Variants in KIRREL3 observed in about 807,000 individuals in gnomAD.
KIRREL3 encodes the protein kin of IRRE-like protein 3.
In KIRREL3, 36 loss-of-function variants were observed where a neutral mutation model predicts 89.7. That is an observed-to-expected ratio of 0.40 (90% CI 0.31 to 0.53). KIRREL3 has a LOEUF of 0.53. Among genes scored for constraint, KIRREL3 ranks in the 20% least tolerant of loss-of-function variants. The pLI, the probability that KIRREL3 is intolerant of heterozygous loss-of-function variation, is 0.49. For missense variants in KIRREL3, 864 were observed against 1,056.6 expected (o/e 0.82, Z 2.53); for synonymous variants, 445 against 441.4 (o/e 1.01, Z -0.10).
rs531842626 is a variant in KIRREL3 at position 126,498,800 on chromosome 11, C to T, written c.433+22515G>A. Among the ~76,000 whole-genome samples the T allele has an allele frequency of 2.0e-5, 3 of 152,316 alleles. No individual in the cohort carries two copies. The highest frequency in any genetic ancestry group is 1.9e-4 in the East Asian group (1 of 5,174). On this transcript the variant is annotated intron_variant, in intron 4 of 16. Transcript: ENST00000525144. This position sits in a 1 kb window ranked among gnomAD's most constrained non-coding sequence, Gnocchi z 4.3. ...AGTCCCCCTCCCACAGGAGCACCTGCGTGGGCCCTCAGTAAATGCCAGTTC... is the reference window on the plus strand; with the variant it reads ...AGTCCCCCTCCCACAGGAGCACCTGTGTGGGCCCTCAGTAAATGCCAGTTC...
chr11:126,842,995 T>C (rs759880357), intron 1 of KIRREL3, among the ~76,000 whole-genome samples: 14 of 152,136 alleles, frequency 9.2e-5, no homozygotes, highest in Non-Finnish European at 1.8e-4. Context: ...CTTGGTGCTG[T>C]GAGGAACTTG....
Position 126,959,532 on chromosome 11 carries a change from C to T in KIRREL3, c.55+40923G>A, listed in dbSNP as rs958099978. On this transcript the variant is annotated intron_variant, in intron 1 of 16. Coordinates refer to ENST00000525144, the MANE Select transcript of KIRREL3 (RefSeq NM_032531.4). ...TAATCCCACTTTCTTCAATGGCTCC[C>T]AAGACCACACTTATGTTGGAAAATT... is the stretch of plus-strand genomic sequence containing the variant. 3.3e-5 allele frequency among the ~76,000 whole-genome samples: 5 copies of T among 152,332 alleles called. No individual in the cohort carries two copies. In the East Asian group the frequency reaches 9.6e-4, roughly 29 times the overall value.
intron 10 of KIRREL3, among the ~76,000 whole-genome samples, chr11:126,444,013 G>A (rs1191916911): frequency 6.6e-6 from 1 of 152,198 alleles, no homozygotes; most frequent in Non-Finnish European, 1.5e-5. Context: ...AGGGACGTCC[G>A]CATTTGCGTC....
rs190407394 is a variant in KIRREL3, at chr11:126,990,428, C to A, written c.55+10027G>T. ...CCACCCAGAGGCGAGGAGGAGAGCC[C>A]CCCATCCCTCCCGTCCCTTCCCAGC... On this transcript the variant is annotated intron_variant, in intron 1 of 16. Transcript: ENST00000525144. The surrounding 1 kb of genome is among the most constrained non-coding windows in gnomAD (Gnocchi z 6.3). Among the ~76,000 whole-genome samples the A allele has an allele frequency of 6.6e-3, 1,009 of 152,180 alleles. 7 individuals are homozygous for A. The highest frequency in any genetic ancestry group is 0.023 in the African/African-American group (973 of 41,492).
intron 4 of KIRREL3, among the ~76,000 whole-genome samples, chr11:126,514,509 TC>T (rs1328733070): frequency 6.6e-6 from 1 of 152,176 alleles, no homozygotes; most frequent in Non-Finnish European, 1.5e-5. Context: ...TGTTGGTGTC[TC>T]ATAACATTGT....
In KIRREL3 at chr11:126,575,540, C is replaced by G. The variant is rs1941211372; in HGVS notation, c.56-12628G>C. Among the ~76,000 whole-genome samples, 2 of 152,118 alleles carry G rather than the reference C, an allele frequency of 1.3e-5. No homozygotes were observed. Among genetic ancestry groups the G allele is most frequent in the Non-Finnish European group, 2.9e-5 (2 of 68,018 alleles). ...ACATTGTAAGCCCCTATAAATGGTA[C>G]TTACTTATAAATATAATATATTATT... is the stretch of plus-strand genomic sequence containing the variant. On this transcript the variant is annotated intron_variant, in intron 1 of 16. Transcript: ENST00000525144. The surrounding 1 kb of genome is among the most constrained non-coding windows in gnomAD (Gnocchi z 7.0).
chr11:126,540,557 A>G (rs1190744996), intron 2 of KIRREL3, among the ~76,000 whole-genome samples: 2 of 152,222 alleles, frequency 1.3e-5, no homozygotes, highest in Non-Finnish European at 2.9e-5. Flanking sequence ...CCTACTGATG[A>G]TCAGGCTCGC....
In KIRREL3 at chr11:126,870,378, G is replaced by T. The variant is rs1023911095; in HGVS notation, c.55+130077C>A. Among the ~76,000 whole-genome samples, 3 of 152,194 alleles carry T rather than the reference G, an allele frequency of 2.0e-5. No homozygotes were observed. Among genetic ancestry groups the T allele is most frequent in the Admixed American group, 1.3e-4 (2 of 15,286 alleles). ...ATTCCAATGCTGTGGCTGGCTGGAG[G>T]TCCCATCCAGTCAAGTGGCTCGCCA... On this transcript the variant is annotated intron_variant, in intron 1 of 16. Coordinates refer to ENST00000525144, the MANE Select transcript of KIRREL3 (RefSeq NM_032531.4). This position sits in a 1 kb window ranked among gnomAD's most constrained non-coding sequence, Gnocchi z 4.4.
At chr11:126,787,940 T>A (rs1306247316) in intron 1 of KIRREL3, among the ~76,000 whole-genome samples, 1 of 152,240 alleles carries the variant, frequency 6.6e-6, no homozygotes, top group Non-Finnish European at 1.5e-5. Flanking sequence ...TGCCAGGCAC[T>A]CTTCTATTGA....
intron 1 of KIRREL3, among the ~76,000 whole-genome samples, chr11:126,592,947 G>T (rs748761482): frequency 1.3e-5 from 2 of 152,094 alleles, no homozygotes; most frequent in African/African-American, 4.8e-5. Context: ...CTGTGAGGGG[G>T]CTAGGAGCTG....
At chr11:126,469,496 G>A (rs910577169) in intron 5 of KIRREL3, among the ~76,000 whole-genome samples, 26 of 152,198 alleles carry the variant, frequency 1.7e-4, no homozygotes, top group African/African-American at 6.0e-4. Context: ...GGGTTGGCTC[G>A]GACAGCCCCC....
intron 1 of KIRREL3, among the ~76,000 whole-genome samples, chr11:126,745,635 G>A (rs950827077): frequency 5.3e-5 from 8 of 152,220 alleles, no homozygotes; most frequent in African/African-American, 1.7e-4. Flanking sequence ...AACAGGAGAT[G>A]GGGAGATAAG....
At chr11:126,941,493 C>T (rs947721610) in intron 1 of KIRREL3, among the ~76,000 whole-genome samples, 1 of 152,200 alleles carries the variant, frequency 6.6e-6, no homozygotes, top group Non-Finnish European at 1.5e-5. Flanking sequence ...TTTAAAATCA[C>T]TCACCAGGTG....
At position 126,519,074 on chromosome 11, in the gene KIRREL3, C is replaced by A. The variant is rs1591667792; in HGVS notation, c.433+2241G>T. ...CCCTGCTGGGGATCATGGAAACTTC[C>A]TCTGCCCTCCTTCCGCTGATCTCCA... On this transcript the variant is annotated intron_variant, in intron 4 of 16. Coordinates refer to ENST00000525144, the MANE Select transcript of KIRREL3 (RefSeq NM_032531.4). The surrounding 1 kb of genome is among the most constrained non-coding windows in gnomAD (Gnocchi z 4.3). 6.6e-6 allele frequency among the ~76,000 whole-genome samples: 1 copy of A among 152,256 alleles called. No homozygotes were observed. The highest frequency in any genetic ancestry group is 2.4e-5 in the African/African-American group (1 of 41,474).
intron 13 of KIRREL3, among the ~76,000 whole-genome samples, chr11:126,434,067 G>A (rs981877823): frequency 2.0e-5 from 3 of 152,238 alleles, no homozygotes; most frequent in African/African-American, 7.2e-5. Context: ...AGTGCCCCGG[G>A]GTGCCATCTC....
chr11:126,972,328 C>T (rs887879657), intron 1 of KIRREL3, among the ~76,000 whole-genome samples: 4 of 152,012 alleles, frequency 2.6e-5, no homozygotes, highest in African/African-American at 9.7e-5. Flanking sequence ...TAAATTATTC[C>T]CTCTATGAGT....
In KIRREL3 at chr11:126,997,302, T is replaced by C. The variant is rs1950204210; in HGVS notation, c.55+3153A>G. Among the ~76,000 whole-genome samples the C allele has an allele frequency of 6.6e-6, 1 of 152,328 alleles. No individual in the cohort carries two copies. The highest frequency in any genetic ancestry group is 3.4e-3 in the Middle Eastern group (1 of 294). ...ATTCTCAGCAGGAGGCAAATTGTGCTGTGACATTATCCCTCTCTGAACAAA... is the reference window on the plus strand; with the variant it reads ...ATTCTCAGCAGGAGGCAAATTGTGCCGTGACATTATCCCTCTCTGAACAAA... On this transcript the variant is annotated intron_variant, in intron 1 of 16. Coordinates refer to ENST00000525144, the MANE Select transcript of KIRREL3 (RefSeq NM_032531.4). This position sits in a 1 kb window ranked among gnomAD's most constrained non-coding sequence, Gnocchi z 4.3.
chr11:126,730,970 AC>A (rs1170183481), intron 1 of KIRREL3, among the ~76,000 whole-genome samples: 2 of 151,822 alleles, frequency 1.3e-5, no homozygotes, highest in Non-Finnish European at 2.9e-5. Context: ...CCATCTCCTG[AC>A]CTCGTGATCC....
rs1168705820 is a variant in KIRREL3, at chr11:126,490,062, T to G, written c.434-16596A>C. Among the ~76,000 whole-genome samples, 1 of 152,124 alleles carries G rather than the reference T, an allele frequency of 6.6e-6. No homozygotes were observed. Among genetic ancestry groups the G allele is most frequent in the Non-Finnish European group, 1.5e-5 (1 of 68,032 alleles). On this transcript the variant is annotated intron_variant, in intron 4 of 16. Transcript: ENST00000525144. The surrounding 1 kb of genome is among the most constrained non-coding windows in gnomAD (Gnocchi z 4.2). ...CGGGGTGAGGTGTCCAGTGTTGCTTTGAAGTGAAATGTTTTGGATGTGCCT... is the reference window on the plus strand; with the variant it reads ...CGGGGTGAGGTGTCCAGTGTTGCTTGGAAGTGAAATGTTTTGGATGTGCCT...
Sources: allele counts gnomAD v4.1 joint callset (sites outside exome capture counted in the v4.1 genomes callset), GRCh38; gene constraint gnomAD v4.1.1; non-coding constraint Gnocchi (gnomAD v3.1); transcripts MANE v1.5; gene names NCBI Gene and HGNC (gene_info 2026-07-23, HGNC 2026-07-21).